DIAPH2: variants seen among roughly 807,000 people sequenced by gnomAD.
DIAPH2 encodes protein diaphanous homolog 2.
DIAPH2 carries 35 observed loss-of-function variants against 92.7 expected under a neutral mutation model. That is an observed-to-expected ratio of 0.38 (90% confidence interval 0.29 to 0.50). The LOEUF is 0.50. Ranked by LOEUF, DIAPH2 falls within the 20% of genes least tolerant of loss-of-function variation. The pLI, the probability that DIAPH2 is intolerant of heterozygous loss-of-function variation, is 0.94. For missense variants in DIAPH2, 701 were observed against 819.5 expected (o/e 0.86, Z 1.77); for synonymous variants, 301 against 280.4 (o/e 1.07, Z -0.73).
At chrX:96,935,145 G>A (rs2147797360) in intron 10 of DIAPH2, among the ~76,000 whole-genome samples, 1 of 111,777 alleles carries the variant, frequency 8.9e-6, no homozygotes, top group South Asian at 3.7e-4. Flanking sequence ...ATAACAGTGT[G>A]TTTCAGTAAC....
At chrX:96,693,637 C>T (rs2063809422) in intron 1 of DIAPH2, among the ~76,000 whole-genome samples, 1 of 112,240 alleles carries the variant, frequency 8.9e-6, no homozygotes, top group African/African-American at 3.2e-5. Context: ...AGTTACAAGA[C>T]TATGTCTTCC....
At chrX:97,578,123 T>C (rs2147877706) in intron 26 of DIAPH2, among the ~76,000 whole-genome samples, 1 of 107,304 alleles carries the variant, frequency 9.3e-6, no homozygotes, top group African/African-American at 3.4e-5. Flanking sequence ...AACTAAGCAT[T>C]TGTTGCAGTT....
chrX:96,896,129 A>C (rs889664273), intron 5 of DIAPH2, among the ~76,000 whole-genome samples: 3 of 111,548 alleles, frequency 2.7e-5, no homozygotes, highest in Non-Finnish European at 5.7e-5. Context: ...TGGAAAACAG[A>C]AAGAAAGTAT....
chrX:97,345,628 A>ATTATTTTTC (rs2069149938), intron 23 of DIAPH2, among the ~76,000 whole-genome samples: 1 of 112,223 alleles, frequency 8.9e-6, no homozygotes, highest in Non-Finnish European at 1.9e-5. Context: ...AGTATGCCCC[A>ATTATTTTTC]GACTGCACCA....
chrX:97,201,716 G>A (rs750832533), intron 22 of DIAPH2, among the ~76,000 whole-genome samples: 7 of 110,517 alleles, frequency 6.3e-5, no homozygotes, highest in Non-Finnish European at 9.4e-5. Flanking sequence ...GTGATGGGGA[G>A]AATGGAACCA....
chrX:97,395,362 C>T (rs2069695111), intron 25 of DIAPH2, among the ~76,000 whole-genome samples: 1 of 111,762 alleles, frequency 8.9e-6, no homozygotes, highest in Non-Finnish European at 1.9e-5. Context: ...TTACATGTTA[C>T]ACAGGTGAAA....
chrX:96,833,752 C>T (rs2064870505), intron 4 of DIAPH2, among the ~76,000 whole-genome samples: 1 of 110,632 alleles, frequency 9.0e-6, no homozygotes, highest in African/African-American at 3.3e-5. Flanking sequence ...CCTCTGCCTC[C>T]TGGGTTCAAG....
At chrX:96,962,496 C>CAT (rs761811314) in intron 16 of DIAPH2, among the ~76,000 whole-genome samples, 1,837 of 44,681 alleles carry the variant, frequency 0.041, 63 homozygotes, top group Non-Finnish European at 0.045. Context: ...CACACACACA[C>CAT]ATATATATAT....
intron 23 of DIAPH2, among the ~76,000 whole-genome samples, chrX:97,292,192 C>A (rs1416131898): frequency 9.2e-6 from 1 of 108,847 alleles, no homozygotes; most frequent in Non-Finnish European, 1.9e-5. Flanking sequence ...CCACACCAGG[C>A]TAATTTTTTA....
chrX:97,141,585 T>G (rs1238463766), intron 21 of DIAPH2, 80 bp from the exon 22 acceptor site: 2 of 1,006,199 alleles, frequency 2.0e-6, no homozygotes, highest in African/African-American at 3.9e-5. Flanking sequence ...AAATGGGTTA[T>G]AATAAATTCA....
At chrX:97,383,852 T>A in intron 24 of DIAPH2, 57 bp from the exon 25 acceptor site, 1 of 1,033,207 alleles carries the variant, frequency 9.7e-7, no homozygotes, top group African/African-American at 1.9e-5. Context: ...AACTGTGCAA[T>A]GTCTCTATTA....
intron 9 of DIAPH2, among the ~76,000 whole-genome samples, chrX:96,920,432 A>T (rs1448464916): frequency 8.9e-6 from 1 of 112,052 alleles, no homozygotes. Flanking sequence ...AGTTTTCATT[A>T]CATTGATATA....
intron 26 of DIAPH2, among the ~76,000 whole-genome samples, chrX:97,494,001 G>A (rs1306222962): frequency 9.2e-6 from 1 of 109,005 alleles, no homozygotes; most frequent in African/African-American, 3.3e-5. Context: ...TGAATCACTT[G>A]AGGTCAGGAG....
At chrX:97,174,789 C>CT (rs1397024273) in intron 22 of DIAPH2, among the ~76,000 whole-genome samples, 1 of 111,644 alleles carries the variant, frequency 9.0e-6, no homozygotes, top group Non-Finnish European at 1.9e-5. Flanking sequence ...ATCCTGCTTT[C>CT]TAAGCTCCAA....
chrX:97,397,073 T>G (rs1275864683), intron 25 of DIAPH2, among the ~76,000 whole-genome samples: 2 of 112,145 alleles, frequency 1.8e-5, no homozygotes, highest in African/African-American at 6.5e-5. Flanking sequence ...ATATAGTATC[T>G]TAACTTGTTA....
intron 22 of DIAPH2, among the ~76,000 whole-genome samples, chrX:97,166,064 T>C (rs2067410429): frequency 9.0e-6 from 1 of 111,560 alleles, no homozygotes; most frequent in Non-Finnish European, 1.9e-5. Flanking sequence ...GTTAGCATTG[T>C]TCTTTATTTA....
chrX:97,352,067 C>G (rs1053132471), intron 24 of DIAPH2, among the ~76,000 whole-genome samples: 2 of 110,565 alleles, frequency 1.8e-5, no homozygotes, highest in African/African-American at 6.5e-5. Context: ...TTTCTTAGTG[C>G]TTTGTGTGTT....
At chrX:96,927,669 A>G (rs5920951) in intron 9 of DIAPH2, among the ~76,000 whole-genome samples, 4,284 of 111,199 alleles carry the variant, frequency 0.039, 105 homozygotes, top group Middle Eastern at 0.079. Context: ...CCCATATAGA[A>G]TAGCACAGTA....
chrX:97,431,395 A>G (rs754550202), intron 26 of DIAPH2: 1 of 112,407 alleles, frequency 8.9e-6, no homozygotes, highest in African/African-American at 3.2e-5. Flanking sequence ...TTAAAAATGC[A>G]CATTTGCTAA....
Sources: gnomAD v4.1 joint callset for allele counts (sites outside exome capture counted in the v4.1 genomes callset) on GRCh38, gnomAD v4.1.1 for gene constraint, MANE v1.5 for transcripts, NCBI Gene and HGNC (gene_info 2026-07-23, HGNC 2026-07-21) for gene names.